The following CSMD1 variants were observed in gnomAD, a reference collection of about 807,000 sequenced individuals.
The protein encoded by CSMD1 is CUB and Sushi multiple domains 1.
CSMD1 carries 213 observed loss-of-function variants against 417.5 expected under a neutral mutation model. The observed-to-expected ratio is 0.51, with a 90% CI of 0.46 to 0.57. The LOEUF is 0.57. Among genes scored for constraint, CSMD1 ranks in the 20% least tolerant of loss-of-function variants. The pLI, the probability that CSMD1 is intolerant of heterozygous loss-of-function variation, is 0.00. For missense variants in CSMD1, 6,923 were observed against 4,529.7 expected (o/e 1.53, Z -15.17); for synonymous variants, 2,862 against 1,736.8 (o/e 1.65, Z -16.11).
At chr8:4,306,817 C>T (rs1798272968) in intron 3 of CSMD1, among the ~76,000 whole-genome samples, 2 of 139,408 alleles carry the variant, frequency 1.4e-5, no homozygotes, top group Admixed American at 7.7e-5. Context: ...ACCAATCAAT[C>T]CCTAACATCT....
intron 5 of CSMD1, among the ~76,000 whole-genome samples, chr8:3,968,004 TAAAA>T (rs11330461): frequency 5.1e-5 from 5 of 98,918 alleles, no homozygotes; most frequent in Non-Finnish European, 7.5e-5. Flanking sequence ...CGTCACTGCT[TAAAA>T]AAAAAAAAAA....
chr8:3,520,044 G>GTATATATATATA (rs1563116164), intron 10 of CSMD1, among the ~76,000 whole-genome samples: 7 of 137,338 alleles, frequency 5.1e-5, no homozygotes, highest in African/African-American at 2.3e-4. Context: ...ATATATACAC[G>GTATATATATATA]TATAGTTGTG....
At chr8:3,801,069 T>C (rs1343796464) in intron 5 of CSMD1, among the ~76,000 whole-genome samples, 1 of 151,634 alleles carries the variant, frequency 6.6e-6, no homozygotes, top group Non-Finnish European at 1.5e-5. Flanking sequence ...CATGCTTCCC[T>C]TGATATGATA....
Position 4,032,072 on chromosome 8 carries a change from G to A in CSMD1, c.443C>T (p.Pro148Leu), listed in dbSNP as rs749683089. ...CAGAACTCCTTTCAGGATTTCTCCA[G>A]GATTTCCACAAGTGTGGCTAGGTAA... is the stretch of plus-strand genomic sequence containing the variant. ...EVLPSHTCGNPGEILKGVLHG... is the reference protein window; with the variant it reads ...EVLPSHTCGNLGEILKGVLHG... The change falls in exon 4 of 70, where the codon CCT (proline) becomes CTT (leucine). Residue 148 changes from proline (P) to leucine (L), a missense_variant. Transcript: ENST00000635120. 2.5e-6 allele frequency: 4 copies of A among 1,612,992 alleles called. No individual in the cohort carries two copies. Among genetic ancestry groups the A allele is most frequent in the South Asian group, 2.2e-5 (2 of 90,958 alleles).
chr8:4,788,210 A>T (rs1797511775), intron 1 of CSMD1: 6 of 1,591,416 alleles, frequency 3.8e-6, no homozygotes, highest in Non-Finnish European at 5.2e-6. Context: ...TTTGAGTAAC[A>T]TCTGCGCATA....
At chr8:4,166,171 C>T (rs1478493104) in intron 3 of CSMD1, among the ~76,000 whole-genome samples, 3 of 152,066 alleles carry the variant, frequency 2.0e-5, no homozygotes, top group Non-Finnish European at 4.4e-5. Flanking sequence ...TTGTAGTAGT[C>T]TACTTGAAAA....
At chr8:4,409,089 CT>C (rs1308306848) in intron 3 of CSMD1, among the ~76,000 whole-genome samples, 1 of 152,018 alleles carries the variant, frequency 6.6e-6, no homozygotes, top group East Asian at 1.9e-4. Context: ...ACTGTGAAGC[CT>C]TTTTTAAAGT....
chr8:3,887,228 C>G (rs893780671), intron 5 of CSMD1, among the ~76,000 whole-genome samples: 2 of 152,118 alleles, frequency 1.3e-5, no homozygotes, highest in Admixed American at 1.3e-4. Flanking sequence ...ACATCTTAGC[C>G]ATGAGAAGGA....
chr8:3,990,891 G>A (rs879738359), intron 5 of CSMD1, among the ~76,000 whole-genome samples: 10 of 152,038 alleles, frequency 6.6e-5, no homozygotes, highest in African/African-American at 1.7e-4. Flanking sequence ...GCTCCTGGAG[G>A]TCCATTCTGA....
At chr8:3,409,325 T>C in intron 13 of CSMD1, 98 bp downstream of exon 13, 1 of 1,150,626 alleles carries the variant, frequency 8.7e-7, no homozygotes, top group Non-Finnish European at 1.2e-6. Flanking sequence ...TTCTGAAAGC[T>C]GCCCTCCCTA....
intron 12 of CSMD1, among the ~76,000 whole-genome samples, chr8:3,438,108 T>C (rs564504987): frequency 6.6e-6 from 1 of 152,358 alleles, no homozygotes; most frequent in East Asian, 1.9e-4. Context: ...TTAAAATTAT[T>C]TGAATATTCA....
chr8:4,242,159 G>C (rs771448047), intron 3 of CSMD1, among the ~76,000 whole-genome samples: 9 of 152,066 alleles, frequency 5.9e-5, no homozygotes, highest in Non-Finnish European at 8.8e-5. Flanking sequence ...CACCAAATTA[G>C]ACATCCTTCT....
chr8:4,738,873 G>A lies in CSMD1; in HGVS notation c.86-101315C>T, dbSNP rs189014218. 3.2e-3 allele frequency among the ~76,000 whole-genome samples: 400 copies of A among 126,342 alleles called. 1 individual carries two copies. Among genetic ancestry groups the A allele is most frequent in the African/African-American group, 0.011 (371 of 34,664 alleles). 82.9% of individuals were successfully genotyped at this position (126,342 alleles called of 152,430 possible). On this transcript the variant is annotated intron_variant, in intron 1 of 69. Coordinates refer to ENST00000635120, the MANE Select transcript of CSMD1 (RefSeq NM_033225.6). ...GTTGCTTATTTAGGAACTACATATA[G>A]TCATCTATTATACTTAAAATTCTGT...
intron 29 of CSMD1, among the ~76,000 whole-genome samples, chr8:3,217,028 A>T (rs916603701): frequency 2.6e-5 from 4 of 152,084 alleles, no homozygotes; most frequent in Non-Finnish European, 5.9e-5. Context: ...TCCAGGCTAG[A>T]TGCAATGACA....
chr8:3,458,962 A>G (rs1379724922), intron 12 of CSMD1, among the ~76,000 whole-genome samples: 1 of 152,192 alleles, frequency 6.6e-6, no homozygotes. Flanking sequence ...GCTGTCCAGG[A>G]GAGAGGTGCA....
At chr8:3,242,787 A>C (rs1674942955) in intron 26 of CSMD1, among the ~76,000 whole-genome samples, 1 of 150,690 alleles carries the variant, frequency 6.6e-6, no homozygotes, top group Admixed American at 6.6e-5. Flanking sequence ...CCCTCCAGAC[A>C]AGCGGGAAAG....
chr8:3,848,127 A>AT (rs1803638749), intron 5 of CSMD1, among the ~76,000 whole-genome samples: 1 of 151,438 alleles, frequency 6.6e-6, no homozygotes, highest in African/African-American at 2.4e-5. Context: ...TATTGAATTT[A>AT]TTTTTGCTGT....
At chr8:3,184,788 T>A (rs1821642581) in intron 36 of CSMD1, among the ~76,000 whole-genome samples, 1 of 152,218 alleles carries the variant, frequency 6.6e-6, no homozygotes, top group Admixed American at 6.5e-5. Context: ...AGTCTCAGAC[T>A]TTTGAGTCCT....
At chr8:3,505,747 G>C (rs1365939042) in intron 10 of CSMD1, among the ~76,000 whole-genome samples, 1 of 152,198 alleles carries the variant, frequency 6.6e-6, no homozygotes, top group Non-Finnish European at 1.5e-5. Context: ...TGCTTAGTAT[G>C]TCTACTTAGC....
Sources: allele counts gnomAD v4.1 joint callset (sites outside exome capture counted in the v4.1 genomes callset), GRCh38; gene constraint gnomAD v4.1.1; transcripts MANE v1.5; gene names NCBI Gene and HGNC (gene_info 2026-07-23, HGNC 2026-07-21).